The following NTM variants were observed in gnomAD, a reference collection of about 807,000 sequenced individuals.
The protein encoded by NTM is IgLON family member 2.
A neutral mutation model predicts 42.1 loss-of-function variants in NTM; 13 were observed. That is an observed-to-expected ratio of 0.31 (90% CI 0.20 to 0.49). The LOEUF (loss-of-function observed/expected upper bound fraction) is 0.49, where lower values mean the gene tolerates loss of function less well. Among genes scored for constraint, NTM ranks in the 20% least tolerant of loss-of-function variants. The probability of loss-of-function intolerance (pLI) is 0.99; values close to 1 mark genes in which losing one functional copy is unlikely to be tolerated. For synonymous variants in NTM, 187 were observed against 179.2 expected, an observed-to-expected ratio of 1.04 and a Z score of -0.35; for missense variants, 373 against 452.8, an observed-to-expected ratio of 0.82 and a Z score of 1.60.
intron 1 of NTM, chr11:131,911,240 C>G: frequency 7.1e-7 from 1 of 1,406,392 alleles, no homozygotes. Context: ...AGGAGGGAGC[C>G]CCCTTTGGCC....
chr11:132,115,840 G>T (rs7130401), intron 2 of NTM, among the ~76,000 whole-genome samples: 62,439 of 152,132 alleles, frequency 0.41, 13,230 homozygotes, highest in African/African-American at 0.49. Flanking sequence ...TGTGGCAAGG[G>T]CTGGTGAGCC....
chr11:131,573,796 G>C lies in NTM; in HGVS notation c.82+202908G>C, dbSNP rs921579331. Reference sequence around the variant, plus strand: ...TCTCTTGAAGAGTGAGAAACTGAAGGCAGGCTACTCAGTCATCTCTCGAGT... The same window carrying C: ...TCTCTTGAAGAGTGAGAAACTGAAGCCAGGCTACTCAGTCATCTCTCGAGT... On this transcript the variant is annotated intron_variant, in intron 1 of 8. Transcript: ENST00000683400. 9.9e-5 allele frequency among the ~76,000 whole-genome samples: 15 copies of C among 152,108 alleles called. 1 individual carries two copies. The South Asian group carries it at 2.3e-3, about 23-fold the overall frequency.
intron 4 of NTM, among the ~76,000 whole-genome samples, chr11:132,212,962 A>AC (rs1349647066): frequency 6.6e-6 from 1 of 151,944 alleles, no homozygotes; most frequent in Non-Finnish European, 1.5e-5. Context: ...AGATGACAAA[A>AC]AAAAAAAGAG....
chr11:131,702,856 T>C (rs754840391), intron 1 of NTM, among the ~76,000 whole-genome samples: 16 of 152,192 alleles, frequency 1.1e-4, no homozygotes, highest in Admixed American at 2.0e-4. Flanking sequence ...GCTGCAATAA[T>C]ATAAACGGTG....
intron 1 of NTM, among the ~76,000 whole-genome samples, chr11:131,765,959 A>G (rs1353616544): frequency 1.3e-5 from 2 of 152,204 alleles, no homozygotes; most frequent in Admixed American, 1.3e-4. Context: ...TTAAAATAAC[A>G]TAAACTATTG....
intron 1 of NTM, among the ~76,000 whole-genome samples, chr11:131,614,663 G>A (rs1005823049): frequency 6.6e-6 from 1 of 152,202 alleles, no homozygotes; most frequent in Non-Finnish European, 1.5e-5. Context: ...CATCGTCACT[G>A]CTTTGTCAGT....
chr11:131,580,072 G>A lies in NTM; in HGVS notation c.82+209184G>A, dbSNP rs2058268806. Reference sequence around the variant, plus strand: ...GCCTGCAGGGAGGGCTGCGTGATGAGGTTGAGCAGTGGGGCTATCTGTGTG... The same window carrying A: ...GCCTGCAGGGAGGGCTGCGTGATGAAGTTGAGCAGTGGGGCTATCTGTGTG... On this transcript the variant is annotated intron_variant, in intron 1 of 8. Coordinates refer to ENST00000683400, the MANE Select transcript of NTM (RefSeq NM_001352005.2). Among the ~76,000 whole-genome samples, 3 of 152,170 alleles carry A rather than the reference G, an allele frequency of 2.0e-5. No individual in the cohort carries two copies. In the South Asian group the frequency reaches 6.2e-4, roughly 32 times the overall value.
intron 1 of NTM, among the ~76,000 whole-genome samples, chr11:131,880,849 A>T (rs975782426): frequency 6.6e-6 from 1 of 151,768 alleles, no homozygotes; most frequent in African/African-American, 2.4e-5. Context: ...TGAATTCATG[A>T]TAACTAATTC....
chr11:131,818,199 T>G (rs1462620514), intron 1 of NTM, among the ~76,000 whole-genome samples: 1 of 152,064 alleles, frequency 6.6e-6, no homozygotes, highest in Admixed American at 6.5e-5. Context: ...AATTTAAAAT[T>G]GCTCGTTCAG....
chr11:131,789,602 A>AAGGAGAAGG lies in NTM; in HGVS notation c.83-121960_83-121959insGAGAAGGAG, dbSNP rs1565552570. ...GAAGAAGAAGAAGAAGAAGAAGAAG[A>AAGGAGAAGG]AGAAGAAGAAGAAGAAGAAGAAGAA... On this transcript the variant is annotated intron_variant, in intron 1 of 8. Transcript: ENST00000683400. 1.7e-4 allele frequency among the ~76,000 whole-genome samples: 12 copies of AAGGAGAAGG among 71,886 alleles called. 1 individual carries two copies. Among genetic ancestry groups the AAGGAGAAGG allele is most frequent in the Non-Finnish European group, 2.5e-4 (9 of 36,356 alleles). 47.2% of individuals were successfully genotyped at this position (71,886 alleles called of 152,430 possible).
chr11:131,371,054 A>G (rs1941101935), intron 1 of NTM, 166 bp downstream of exon 1: 2 of 985,388 alleles, frequency 2.0e-6, no homozygotes, highest in Non-Finnish European at 2.4e-6. Context: ...AGGCTGTGAG[A>G]ATATTGATTT....
intron 4 of NTM, among the ~76,000 whole-genome samples, chr11:132,234,254 T>C (rs1364326198): frequency 1.3e-5 from 2 of 152,212 alleles, no homozygotes; most frequent in African/African-American, 2.4e-5. Context: ...TTCTGTAGCA[T>C]ACAGCATTCT....
chr11:131,384,932 C>G (rs756338821), intron 1 of NTM, among the ~76,000 whole-genome samples: 6 of 152,232 alleles, frequency 3.9e-5, no homozygotes, highest in African/African-American at 1.2e-4. Context: ...GGCACCCAGG[C>G]CTTTCTGCCA....
At chr11:132,240,075 A>C (rs577220453) in intron 4 of NTM, among the ~76,000 whole-genome samples, 20 of 152,124 alleles carry the variant, frequency 1.3e-4, no homozygotes, top group African/African-American at 4.6e-4. Flanking sequence ...CCGTCCATCC[A>C]TCCATCCATC....
intron 4 of NTM, among the ~76,000 whole-genome samples, chr11:132,279,718 T>C (rs2093893371): frequency 6.6e-6 from 1 of 152,108 alleles, no homozygotes; most frequent in Non-Finnish European, 1.5e-5. Context: ...AATATTTCCC[T>C]AATAACTCAC....
chr11:132,295,215 A>T (rs1254606993), intron 4 of NTM, among the ~76,000 whole-genome samples: 5 of 152,168 alleles, frequency 3.3e-5, no homozygotes, highest in African/African-American at 4.8e-5. Context: ...CTTAAAGGTC[A>T]TCAAAGGGTG....
intron 1 of NTM, chr11:131,795,546 A>T: frequency 1.0e-6 from 1 of 985,426 alleles, no homozygotes; most frequent in Non-Finnish European, 1.2e-6. Context: ...CTGCTCTGTC[A>T]GGATACAGCA....
chr11:132,323,650 G>C (rs2095618634), intron 7 of NTM, among the ~76,000 whole-genome samples: 1 of 152,152 alleles, frequency 6.6e-6, no homozygotes, highest in Non-Finnish European at 1.5e-5. Flanking sequence ...AATAGAAAAA[G>C]AGGGAATCCT....
At chr11:131,633,539 CTCT>C (rs2063881831) in intron 1 of NTM, among the ~76,000 whole-genome samples, 1 of 151,792 alleles carries the variant, frequency 6.6e-6, no homozygotes, top group East Asian at 1.9e-4. Context: ...CTCTCTCTCT[CTCT>C]ATCTCTATCT....
Sources: allele counts gnomAD v4.1 joint callset (sites outside exome capture counted in the v4.1 genomes callset), GRCh38; gene constraint gnomAD v4.1.1; transcripts MANE v1.5; gene names NCBI Gene and HGNC (gene_info 2026-07-23, HGNC 2026-07-21).